The following ANO2 variants were observed in gnomAD, a reference collection of about 807,000 sequenced individuals.
ANO2 encodes the protein anoctamin-2.
Under a neutral mutation model 124.2 loss-of-function variants are expected in ANO2, and 101 were observed. The observed-to-expected ratio is 0.81, with a 90% CI of 0.69 to 0.96. ANO2 has a LOEUF of 0.96. ANO2 is among the 40% of genes least tolerant of loss of function. The pLI, the probability that ANO2 is intolerant of heterozygous loss-of-function variation, is 0.00. For synonymous variants in ANO2, 486 were observed against 482.5 expected (o/e 1.01, Z -0.09); for missense variants, 1,293 against 1,274.5 (o/e 1.01, Z -0.22).
chr12:5,737,070 A>C (rs541724988), intron 13 of ANO2, among the ~76,000 whole-genome samples: 26 of 152,280 alleles, frequency 1.7e-4, no homozygotes, highest in African/African-American at 6.3e-4. Context: ...CCATACAAAA[A>C]CCTAGTATGT....
chr12:5,759,259 CA>C lies in ANO2; in HGVS notation c.1056-8290del, dbSNP rs1404060746. 2.0e-5 allele frequency among the ~76,000 whole-genome samples: 3 copies of C among 151,748 alleles called. No individual in the cohort carries two copies. In the East Asian group the frequency reaches 5.8e-4, roughly 29 times the overall value. On this transcript the variant is annotated intron_variant, in intron 10 of 24. Transcript: ENST00000682330. The stretch of plus-strand genomic sequence containing the variant: ...CCCACATACTTAGATACGTCATAGT[CA>C]AATTTCCGAAAACCAAAGATTGAAA...
chr12:5,911,737 C>G (rs546904501), intron 3 of ANO2, among the ~76,000 whole-genome samples: 1 of 152,306 alleles, frequency 6.6e-6, no homozygotes, highest in South Asian at 2.1e-4. Flanking sequence ...TGCATAGACT[C>G]TATAATGTCA....
At chr12:5,844,631 T>C (rs1954622891) in intron 4 of ANO2, among the ~76,000 whole-genome samples, 1 of 152,172 alleles carries the variant, frequency 6.6e-6, no homozygotes, top group Admixed American at 6.5e-5. Context: ...AAAGCTGTCA[T>C]CCAGGAATGT....
At chr12:5,640,828 G>A (rs912290287) in intron 15 of ANO2, among the ~76,000 whole-genome samples, 2 of 152,200 alleles carry the variant, frequency 1.3e-5, no homozygotes, top group African/African-American at 4.8e-5. Context: ...ATTCCTCAAG[G>A]ATCTAGAACT....
chr12:5,704,688 G>GGT (rs1026475300), intron 14 of ANO2, among the ~76,000 whole-genome samples: 30 of 130,382 alleles, frequency 2.3e-4, no homozygotes, highest in African/African-American at 9.8e-4. Context: ...GTAAGTGCTT[G>GGT]GTGTGTGTAT....
chr12:5,900,940 C>G lies in ANO2; in HGVS notation c.534+20100G>C, dbSNP rs752777207. On this transcript the variant is annotated intron_variant, in intron 3 of 24. Transcript: ENST00000682330. The surrounding 1 kb of genome is among the most constrained non-coding windows in gnomAD (Gnocchi z 4.2). ...TCCCCTGCCGGCAGCACTTTGATGG[C>G]TTTTTGTATTCATCAATTCAGACGT... Among the ~76,000 whole-genome samples, 1 of 152,176 alleles carries G rather than the reference C, an allele frequency of 6.6e-6. No homozygotes were observed. Among genetic ancestry groups the G allele is most frequent in the Non-Finnish European group, 1.5e-5 (1 of 68,040 alleles).
chr12:5,806,802 T>C (rs2137173379), intron 8 of ANO2, among the ~76,000 whole-genome samples: 1 of 152,388 alleles, frequency 6.6e-6, no homozygotes, highest in South Asian at 2.1e-4. Flanking sequence ...AAAAATTTTT[T>C]TTAAAATAAT....
At chr12:5,712,860 C>G (rs1012565324) in intron 14 of ANO2, among the ~76,000 whole-genome samples, 5 of 152,124 alleles carry the variant, frequency 3.3e-5, no homozygotes, top group South Asian at 2.1e-4. Context: ...AGAGAGCTGC[C>G]AGGAGCTGGG....
chr12:5,881,649 G>A (rs1220525848), intron 3 of ANO2: 1 of 152,218 alleles, frequency 6.6e-6, no homozygotes, highest in Non-Finnish European at 1.5e-5. Context: ...AGGTTCAGGT[G>A]AGTCACAATA....
chr12:5,741,823 C>T (rs1254745320), intron 12 of ANO2, among the ~76,000 whole-genome samples: 1 of 152,148 alleles, frequency 6.6e-6, no homozygotes, highest in East Asian at 1.9e-4. Flanking sequence ...GTAATCTGCC[C>T]AAGGTAACAG....
At chr12:5,810,199 G>A (rs149799204) in intron 7 of ANO2, among the ~76,000 whole-genome samples, 3,215 of 152,220 alleles carry the variant, frequency 0.021, 53 homozygotes, top group Non-Finnish European at 0.027. Flanking sequence ...GAAGGGAGGA[G>A]AAAGTACATT....
At chr12:5,678,423 G>C (rs1025142830) in intron 14 of ANO2, among the ~76,000 whole-genome samples, 1 of 152,192 alleles carries the variant, frequency 6.6e-6, no homozygotes, top group Non-Finnish European at 1.5e-5. Flanking sequence ...GGTGGCAGGG[G>C]TATCTCCAGG....
At chr12:5,808,394 G>A (rs1462041261) in intron 7 of ANO2, among the ~76,000 whole-genome samples, 1 of 152,152 alleles carries the variant, frequency 6.6e-6, no homozygotes, top group East Asian at 1.9e-4. Flanking sequence ...AGACTATAAA[G>A]TGGTCTGTGT....
rs1386438905 is a variant in ANO2 at position 5,636,286 on chromosome 12, A to C, written c.1621-939T>G. ...CTCCTGTCCCCATCGCAACCAAGGAAGGATCATTTCCAGGAAGCACAAGGA... is the reference window on the plus strand; with the variant it reads ...CTCCTGTCCCCATCGCAACCAAGGACGGATCATTTCCAGGAAGCACAAGGA... On this transcript the variant is annotated intron_variant, in intron 15 of 24. Transcript: ENST00000682330. The surrounding 1 kb of genome is among the most constrained non-coding windows in gnomAD (Gnocchi z 4.6). Among the ~76,000 whole-genome samples the C allele has an allele frequency of 6.6e-6, 1 of 152,098 alleles. No individual in the cohort carries two copies. The highest frequency in any genetic ancestry group is 2.4e-5 in the African/African-American group (1 of 41,426).
At chr12:5,656,260 A>T (rs1194060017) in intron 14 of ANO2, among the ~76,000 whole-genome samples, 1 of 152,230 alleles carries the variant, frequency 6.6e-6, no homozygotes, top group Non-Finnish European at 1.5e-5. Context: ...TCTCTCTGTT[A>T]AGCTCCAAAC....
Position 5,827,727 on chromosome 12 carries a change from T to C in ANO2, c.892+42A>G, listed in dbSNP as rs774791962. On this transcript the variant is annotated intron_variant, in intron 7 of 24. Coordinates refer to ENST00000682330, the MANE Select transcript of ANO2 (RefSeq NM_001364791.2). Reference sequence around the variant, plus strand: ...TTGAAAGCACGGGGCGGGAGCCGCCTCAGCGCCCGTCAGCACCCTGCCCGC... The same window carrying C: ...TTGAAAGCACGGGGCGGGAGCCGCCCCAGCGCCCGTCAGCACCCTGCCCGC... 1.9e-6 allele frequency: 3 copies of C among 1,590,060 alleles called. No individual in the cohort carries two copies. In the South Asian group the frequency reaches 3.4e-5, roughly 18 times the overall value.
At chr12:5,674,268 T>C (rs1948135018) in intron 14 of ANO2, among the ~76,000 whole-genome samples, 1 of 152,190 alleles carries the variant, frequency 6.6e-6, no homozygotes, top group Non-Finnish European at 1.5e-5. Context: ...AATAAAATTG[T>C]CATGGGATGG....
chr12:5,624,651 A>G (rs1187850378), intron 16 of ANO2, among the ~76,000 whole-genome samples: 2 of 152,132 alleles, frequency 1.3e-5, no homozygotes, highest in East Asian at 3.9e-4. Context: ...ACTGAGGATG[A>G]TCATGTGCCT....
chr12:5,630,762 G>T (rs1945677615), intron 16 of ANO2, among the ~76,000 whole-genome samples: 1 of 152,210 alleles, frequency 6.6e-6, no homozygotes, highest in African/African-American at 2.4e-5. Context: ...ATAAATGAAA[G>T]ACAGGGTCAC....
Sources: gnomAD v4.1 joint callset for allele counts (sites outside exome capture counted in the v4.1 genomes callset) on GRCh38, gnomAD v4.1.1 for gene constraint, Gnocchi (gnomAD v3.1) non-coding constraint, MANE v1.5 for transcripts, NCBI Gene and HGNC (gene_info 2026-07-23, HGNC 2026-07-21) for gene names.